POLG: variants seen among roughly 807,000 people sequenced by gnomAD.
POLG encodes the protein DNA polymerase gamma, catalytic subunit.
In POLG, 110 loss-of-function variants were observed where a neutral mutation model predicts 155.4. The observed-to-expected ratio is 0.71, with a 90% CI of 0.61 to 0.83. POLG has a LOEUF of 0.83. Ranked by LOEUF, POLG falls within the 40% of genes least tolerant of loss-of-function variation. POLG has a pLI of 0.00. For synonymous variants in POLG, 701 were observed against 631.5 expected, an observed-to-expected ratio of 1.11 and a Z score of -1.65; for missense variants, 1,685 against 1,627.5, an observed-to-expected ratio of 1.04 and a Z score of -0.61.
At chr15:89,332,505 C>G (rs2055606200) in intron 2 of POLG, 1 of 150,610 alleles carries the variant, frequency 6.6e-6, no homozygotes, top group African/African-American at 2.4e-5. Flanking sequence ...GACCAAAATG[C>G]CTGCTTGGAA....
intron 12 of POLG, 35 bp downstream of exon 12, chr15:89,323,780 C>T: frequency 6.5e-7 from 1 of 1,538,388 alleles, no homozygotes; most frequent in Non-Finnish European, 9.0e-7. Flanking sequence ...CCACCCAGCA[C>T]CCACCTAGAG....
chr15:89,319,681 C>A lies in POLG; in HGVS notation c.2982-331G>T, dbSNP rs60907897. On this transcript the variant is annotated intron_variant, in intron 18 of 22. Transcript: ENST00000268124. ...TTTAGACACTGAATTGCCCAATGAC[C>A]AACACGGGCCTTTTATTCAGGAGGC... Among the ~76,000 whole-genome samples the A allele has an allele frequency of 0.021, 3,241 of 152,258 alleles. 123 individuals are homozygous for A. Among genetic ancestry groups the A allele is most frequent in the African/African-American group, 0.072 (2,970 of 41,510 alleles).
Position 89,319,220 on chromosome 15 carries a change from G to A in POLG, c.3104+8C>T. Reference sequence around the variant, plus strand: ...TCCCTCCATCCTTAACACAAAGAAGGTTCTTACTTCCTTGCAGTTTCTCTC... The same window carrying A: ...TCCCTCCATCCTTAACACAAAGAAGATTCTTACTTCCTTGCAGTTTCTCTC... On this transcript the variant is annotated splice_region_variant and intron_variant, in intron 19 of 22. Coordinates refer to ENST00000268124, the MANE Select transcript of POLG (RefSeq NM_002693.3). The A allele has an allele frequency of 6.2e-7, 1 of 1,614,156 alleles. No individual in the cohort carries two copies. Among genetic ancestry groups the A allele is most frequent in the Non-Finnish European group, 8.5e-7 (1 of 1,180,032 alleles).
chr15:89,331,219 G>C (rs1165622476), intron 2 of POLG, among the ~76,000 whole-genome samples: 1 of 152,172 alleles, frequency 6.6e-6, no homozygotes, highest in African/African-American at 2.4e-5. Flanking sequence ...AGCAAAAAGA[G>C]GTTCCTAGTT....
At chr15:89,319,471 C>T in intron 18 of POLG, 121 bp from the exon 19 acceptor site, 1 of 1,332,314 alleles carries the variant, frequency 7.5e-7, no homozygotes, top group East Asian at 2.5e-5. Flanking sequence ...TGCCAGTCCC[C>T]TAAAGGCTTT....
At chr15:89,322,645 T>C in intron 14 of POLG, 97 bp downstream of exon 14, 3 of 1,358,202 alleles carry the variant, frequency 2.2e-6, no homozygotes, top group Non-Finnish European at 3.1e-6. Context: ...TAGACCATAG[T>C]CAGGCTGGCC....
chr15:89,327,129 T>G, intron 7 of POLG, 38 bp downstream of exon 7: 1 of 1,614,106 alleles, frequency 6.2e-7, no homozygotes, highest in Non-Finnish European at 8.5e-7. Flanking sequence ...CACCTGCCAG[T>G]CCCCTGCCTA....
intron 10 of POLG, among the ~76,000 whole-genome samples, 166 bp downstream of exon 10, chr15:89,325,284 A>AGTGAGTG (rs1555453399): frequency 1.7e-5 from 1 of 57,392 alleles, no homozygotes; most frequent in African/African-American, 1.3e-4. Context: ...GAGAGAGAGA[A>AGTGAGTG]AGAGAGAGAG....
chr15:89,324,338 C>T (rs2055441718), intron 10 of POLG, 111 bp from the exon 11 acceptor site: 4 of 1,248,588 alleles, frequency 3.2e-6, no homozygotes, highest in Non-Finnish European at 4.5e-6. Context: ...TCAGAATCAG[C>T]TCTGAGGCAG....
At chr15:89,317,054 ATT>A in intron 22 of POLG, 1 of 593,128 alleles carries the variant, frequency 1.7e-6, no homozygotes. Flanking sequence ...CTTGTTTGGT[ATT>A]TAAAGCACAG....
chr15:89,330,196 A>G lies in POLG; in HGVS notation c.740T>C (p.Leu247Pro). ...GCTGCTGGCACCAGTAGGGACCTCC[A>G]GGGGGATGAGGTCAGCCGGCGACAG... is the stretch of plus-strand genomic sequence containing the variant. Reference protein sequence around the residue: ...SQLSPADLIPLEVPTGASSPT... With the variant: ...SQLSPADLIPPEVPTGASSPT... The change falls in exon 3 of 23, where the codon CTG (leucine) becomes CCG (proline). Residue 247 changes from leucine to proline, a missense_variant. Coordinates refer to ENST00000268124, the MANE Select transcript of POLG (RefSeq NM_002693.3). 1 of 1,613,178 alleles carries G rather than the reference A, an allele frequency of 6.2e-7. No individual in the cohort carries two copies. The highest frequency in any genetic ancestry group is 1.1e-5 in the South Asian group (1 of 91,072).
At chr15:89,329,132 G>A (rs1215417320) in intron 3 of POLG, 22 bp from the exon 4 acceptor site, 2 of 1,600,674 alleles carry the variant, frequency 1.2e-6, no homozygotes, top group Non-Finnish European at 1.7e-6. Context: ...GAGGAGAAAA[G>A]GGAAGGGAAG....
chr15:89,318,963 G>C lies in POLG; in HGVS notation c.3241C>G (p.Arg1081Gly). The C allele has an allele frequency of 6.2e-7, 1 of 1,614,072 alleles. No individual in the cohort carries two copies. The highest frequency in any genetic ancestry group is 8.5e-7 in the Non-Finnish European group (1 of 1,180,010). The change falls in exon 20 of 23, where the codon CGA (arginine) becomes GGA (glycine). Residue 1081 changes from arginine to glycine, a missense_variant. Arg to Gly is a moderately radical substitution (Grantham distance 125). Transcript: ENST00000268124. ...RTPVLGCCISRALEPSAVQEE... is the reference protein window; with the variant it reads ...RTPVLGCCISGALEPSAVQEE... Reference sequence around the variant, plus strand: ...TGGACAGCCGAGGGCTCCAGGGCTCGGCTGATGCAGCAGCCCAGCACCGGG... The same window carrying C: ...TGGACAGCCGAGGGCTCCAGGGCTCCGCTGATGCAGCAGCCCAGCACCGGG...
In POLG at chr15:89,321,727, G is replaced by A. The variant is rs1475854655; in HGVS notation, c.2598+9C>T. On this transcript the variant is annotated intron_variant, in intron 16 of 22. Coordinates refer to ENST00000268124, the MANE Select transcript of POLG (RefSeq NM_002693.3). The stretch of plus-strand genomic sequence containing the variant: ...AAGAGCAGGGGCCAGAGGTACAGAG[G>A]TCACATACCCGGGCATTGCTGGCGG... The A allele has an allele frequency of 5.6e-6, 9 of 1,595,330 alleles. No individual in the cohort carries two copies. The highest frequency in any genetic ancestry group is 2.2e-5 in the East Asian group (1 of 44,784).
At position 89,333,240 on chromosome 15, in the gene POLG, G is replaced by A; in HGVS notation, c.515C>T (p.Ala172Val). The change falls in exon 2 of 23, where the codon GCG (alanine) becomes GTG (valine). Residue 172 changes from alanine (A) to valine (V), a missense_variant. By Grantham distance (64) the Ala-to-Val change is moderately conservative. Around this residue, in one of 3 missense-constraint regions of POLG, gnomAD observed 1,210 missense variants for 1,167.1 expected, o/e 1.04. Coordinates refer to ENST00000268124, the MANE Select transcript of POLG (RefSeq NM_002693.3). ...GGGGCCGTACCGGGTCCAGCCCTCC[G>A]CCCAGGCCCAAGCCGGGGGCTTCGG... ...LPPKPPAWAW[A>V]EGWTRYGPEG... is the part of the protein sequence containing the mutation. The A allele has an allele frequency of 1.3e-6, 2 of 1,577,648 alleles. No individual in the cohort carries two copies. The highest frequency in any genetic ancestry group is 8.6e-7 in the Non-Finnish European group (1 of 1,160,046).
chr15:89,324,426 G>A (rs181752700), intron 10 of POLG, 199 bp from the exon 11 acceptor site: 2 of 670,994 alleles, frequency 3.0e-6, no homozygotes, highest in East Asian at 5.6e-5. Flanking sequence ...GCAGCAGGCT[G>A]GGGTTCAAGG....
intron 22 of POLG, chr15:89,317,121 C>A: frequency 1.7e-6 from 1 of 592,080 alleles, no homozygotes; most frequent in South Asian, 2.0e-5. Context: ...AATAAATTAT[C>A]TTTAAACATT....
In POLG at chr15:89,323,703, C is replaced by T; in HGVS notation, c.2157+112G>A. 10 of 989,580 alleles carry T rather than the reference C, an allele frequency of 1.0e-5. 1 individual carries two copies. The South Asian group carries it at 1.2e-4, about 11-fold the overall frequency. 61.3% of individuals were successfully genotyped at this position (989,580 alleles called of 1,614,324 possible). A position where few individuals can be genotyped will look rare whatever the true frequency, so the allele number is the denominator to read the frequency against. ...GGGCCTCCCAGGGGCAGGGTGGCATCTCCAACCCCCTTAAGACCTAGGGAA... is the reference window on the plus strand; with the variant it reads ...GGGCCTCCCAGGGGCAGGGTGGCATTTCCAACCCCCTTAAGACCTAGGGAA... On this transcript the variant is annotated intron_variant, in intron 12 of 22. Coordinates refer to ENST00000268124, the MANE Select transcript of POLG (RefSeq NM_002693.3).
chr15:89,323,843 G>A lies in POLG; in HGVS notation c.2129C>T (p.Ala710Val), dbSNP rs2152063179. ...EAEAKMENLR[A>V]AVPGQPLALT... ...AGCTAGGGGTTGACCTGGCACTGCA[G>A]CTCGCAAGTTCTCCATCTTGGCCTC... Residue 710 changes from alanine (A) to valine (V), a missense_variant, in exon 12 of 23, where the codon GCT becomes GTT. Coordinates refer to ENST00000268124, the MANE Select transcript of POLG (RefSeq NM_002693.3). The A allele has an allele frequency of 6.2e-7, 1 of 1,614,060 alleles. No individual in the cohort carries two copies. The highest frequency in any genetic ancestry group is 8.5e-7 in the Non-Finnish European group (1 of 1,179,896).
Sources: allele counts gnomAD v4.1 joint callset (sites outside exome capture counted in the v4.1 genomes callset), GRCh38; gene constraint gnomAD v4.1.1; regional missense constraint gnomAD v4.1.1; transcripts MANE v1.5; gene names NCBI Gene and HGNC (gene_info 2026-07-23, HGNC 2026-07-21).